RNF40: variants seen among roughly 807,000 people sequenced by gnomAD.
The protein encoded by RNF40 is ring finger protein 40, also known as E3 ubiquitin-protein ligase BRE1B.
In RNF40, 39 loss-of-function variants were observed where a neutral mutation model predicts 123.3. The ratio of observed to expected loss-of-function variants is 0.32; its 90% CI spans 0.24 to 0.41. RNF40 has a LOEUF of 0.41. Among genes scored for constraint, RNF40 ranks in the 10% least tolerant of loss-of-function variants. The pLI is 1.00. For synonymous variants in RNF40, 538 were observed against 526.0 expected (o/e 1.02, Z -0.31); for missense variants, 1,003 against 1,319.9 (o/e 0.76, Z 3.72).
intron 17 of RNF40, among the ~76,000 whole-genome samples, chr16:30,769,841 T>A (rs2054115207): frequency 6.6e-6 from 1 of 152,198 alleles, no homozygotes; most frequent in African/African-American, 2.4e-5. Flanking sequence ...CTCACGTCTG[T>A]GATCCCAACA....
At chr16:30,770,190 T>C (rs182339188) in intron 17 of RNF40, among the ~76,000 whole-genome samples, 3,243 of 141,120 alleles carry the variant, frequency 0.023, 53 homozygotes, top group Admixed American at 0.035. Flanking sequence ...CACTGCAACC[T>C]CCGCCTCCCA....
At position 30,768,873 on chromosome 16, in the gene RNF40, G is replaced by A. The variant is rs1187793517; in HGVS notation, c.2133G>A (p.Glu711=). 6 of 1,614,146 alleles carry A rather than the reference G, an allele frequency of 3.7e-6. No individual in the cohort carries two copies. Among genetic ancestry groups the A allele is most frequent in the Non-Finnish European group, 5.1e-6 (6 of 1,180,054 alleles). Residue 711 remains glutamate, a synonymous_variant, in exon 15 of 20, where the codon GAG becomes GAA. Transcript: ENST00000324685. The surrounding 1 kb of genome is among the most constrained non-coding windows in gnomAD (Gnocchi z 4.1). ...DELRSRIREL[E]ERDRRESKKI... ...TGCGGAGCCGCATCCGGGAATTGGA[G>A]GAGAGGGATCGAAGGGAGAGCAAGA...
Position 30,766,889 on chromosome 16 carries a change from G to A in RNF40, c.1429+13G>A, listed in dbSNP as rs1373286868. 1 of 1,611,798 alleles carries A rather than the reference G, an allele frequency of 6.2e-7. No homozygotes were observed. The highest frequency in any genetic ancestry group is 2.2e-5 in the East Asian group (1 of 44,872). On this transcript the variant is annotated intron_variant, in intron 11 of 19. Coordinates refer to ENST00000324685, the MANE Select transcript of RNF40 (RefSeq NM_014771.4). The surrounding 1 kb of genome is among the most constrained non-coding windows in gnomAD (Gnocchi z 5.4). ...AACGAGCAGGCGGGTATGTGGTGAG[G>A]ATAGGGCGGAGGTGGGGCCTTATCT...
rs902680063 is a variant in RNF40 at position 30,768,105 on chromosome 16, C to T, written c.1554C>T (p.Leu518=). 2 of 1,610,736 alleles carry T rather than the reference C, an allele frequency of 1.2e-6. No individual in the cohort carries two copies. The highest frequency in any genetic ancestry group is 2.2e-5 in the East Asian group (1 of 44,828). Residue 518 remains leucine (L), a splice_region_variant and synonymous_variant, in exon 13 of 20, where the codon CTC becomes CTT. Transcript: ENST00000324685. This position sits in a 1 kb window ranked among gnomAD's most constrained non-coding sequence, Gnocchi z 4.1. ...CCTCTTCCTCTCTGCCTTTGCAGCT[C>T]CGGGCCCAGGCCAGTGGCTCTGCCC... ...LREVQAEIGK[L]RAQASGSAHS...
In RNF40 at chr16:30,774,706, G is replaced by A. The variant is rs1180033884; in HGVS notation, c.*592G>A. On this transcript the variant is annotated 3_prime_UTR_variant, in exon 20 of 20. Coordinates refer to ENST00000324685, the MANE Select transcript of RNF40 (RefSeq NM_014771.4). ...CTCTTGGCAGATGGGGGCATCACTT[G>A]CTTCCTTTGGGAAGCTCTAAGGTTG... The A allele has an allele frequency of 3.1e-6, 1 of 324,856 alleles. No individual in the cohort carries two copies. Among genetic ancestry groups the A allele is most frequent in the African/African-American group, 2.2e-5 (1 of 45,968 alleles). 20.1% of individuals were successfully genotyped at this position (324,856 alleles called of 1,614,324 possible).
chr16:30,771,110 C>T (rs1166535815), intron 17 of RNF40, among the ~76,000 whole-genome samples: 1 of 152,214 alleles, frequency 6.6e-6, no homozygotes, highest in African/African-American at 2.4e-5. Context: ...CCAGTCAAAG[C>T]TGGAACTTCA....
Position 30,775,192 on chromosome 16 carries a change from C to T in RNF40, c.*1078C>T. The T allele has an allele frequency of 2.8e-6, 1 of 353,024 alleles. No homozygotes were observed. The highest frequency in any genetic ancestry group is 3.8e-5 in the Admixed American group (1 of 26,156). 21.9% of individuals were successfully genotyped at this position (353,024 alleles called of 1,614,324 possible). A position where few individuals can be genotyped will look rare whatever the true frequency, so the allele number is the denominator to read the frequency against. ...AAACGTTCAACCCTCGGCCTGCAGC[C>T]AGAGTAGCCAGGCCGCGCACCCCAA... On this transcript the variant is annotated 3_prime_UTR_variant, in exon 20 of 20. Transcript: ENST00000324685.
intron 8 of RNF40, 132 bp downstream of exon 8, chr16:30,765,631 T>C (rs2054014037): frequency 2.6e-6 from 2 of 766,322 alleles, no homozygotes; most frequent in Non-Finnish European, 4.2e-6. Flanking sequence ...CTTTTTTTCA[T>C]GCATTCATAT....
Position 30,767,933 on chromosome 16 carries a change from T to C in RNF40, c.1469T>C (p.Leu490Pro). Residue 490 changes from leucine (L) to proline (P), a missense_variant, in exon 12 of 20, where the codon CTT (leucine) becomes CCT (proline). Physicochemically the swap from Leu to Pro is moderately conservative, Grantham distance 98. This residue lies in a region of RNF40 where 30 missense variants were observed against 68.9 expected (regional missense o/e 0.44). Transcript: ENST00000324685. ...GAGATGCGCCACCTGATTAGTAGTC[T>C]TCAAAACCACAACCACCAGCTAAAA... is the stretch of plus-strand genomic sequence containing the variant. Reference protein sequence around the residue: ...NREMRHLISSLQNHNHQLKGD... With the variant: ...NREMRHLISSPQNHNHQLKGD... 6.2e-7 allele frequency: 1 copy of C among 1,614,080 alleles called. No individual in the cohort carries two copies. Among genetic ancestry groups the C allele is most frequent in the Non-Finnish European group, 8.5e-7 (1 of 1,180,020 alleles).
At chr16:30,762,806 A>G in intron 2 of RNF40, 129 bp downstream of exon 2, 1 of 1,225,702 alleles carries the variant, frequency 8.2e-7, no homozygotes. Context: ...ACCTTGAAAG[A>G]AAGGTTAGAA....
intron 19 of RNF40, chr16:30,773,584 A>G (rs749879409): frequency 1.5e-5 from 3 of 206,304 alleles, no homozygotes; most frequent in Non-Finnish European, 2.9e-5. Flanking sequence ...TAGCAAGTGC[A>G]GGTGAAGAGG....
At position 30,774,968 on chromosome 16, in the gene RNF40, A is replaced by T. The variant is rs913483815; in HGVS notation, c.*854A>T. ...CAGACCAGCCCCAGCCGCTGGGCCA[A>T]CTTCCAATCATTCCAGCTAGAAGAG... On this transcript the variant is annotated 3_prime_UTR_variant, in exon 20 of 20. Transcript: ENST00000324685. 2.2e-6 allele frequency: 1 copy of T among 456,366 alleles called. No individual in the cohort carries two copies. The highest frequency in any genetic ancestry group is 2.4e-5 in the Admixed American group (1 of 42,552). 28.3% of individuals were successfully genotyped at this position (456,366 alleles called of 1,614,324 possible).
intron 19 of RNF40, among the ~76,000 whole-genome samples, chr16:30,773,170 T>C (rs1236078863): frequency 1.3e-5 from 2 of 152,082 alleles, no homozygotes; most frequent in Non-Finnish European, 2.9e-5. Flanking sequence ...GCTTGGGGAA[T>C]GTCAGTAGAG....
Position 30,766,554 on chromosome 16 carries a change from T to G in RNF40, c.1289T>G (p.Met430Arg), listed in dbSNP as rs763563902. Reference protein sequence around the residue: ...KNSHLRHIEHMESDELGLQKK... With the variant: ...KNSHLRHIEHRESDELGLQKK... Reference sequence around the variant, plus strand: ...TCCCACCTGCGACACATCGAGCACATGGAGGTATGGCCCTGGAACAGGCGT... The same window carrying G: ...TCCCACCTGCGACACATCGAGCACAGGGAGGTATGGCCCTGGAACAGGCGT... Residue 430 changes from methionine (M) to arginine (R), a missense_variant, in exon 10 of 20, where the codon ATG becomes AGG. Met to Arg is a moderately conservative substitution (Grantham distance 91). This residue lies in a region of RNF40 where 274 missense variants were observed against 356.9 expected (regional missense o/e 0.77). Transcript: ENST00000324685. The surrounding 1 kb of genome is among the most constrained non-coding windows in gnomAD (Gnocchi z 5.4). 64 of 1,608,360 alleles carry G rather than the reference T, an allele frequency of 4.0e-5. 1 individual carries two copies. The South Asian group carries it at 6.9e-4, about 17-fold the overall frequency.
intron 2 of RNF40, 71 bp downstream of exon 2, chr16:30,762,748 G>A: frequency 5.1e-6 from 8 of 1,567,568 alleles, no homozygotes; most frequent in South Asian, 1.2e-5. Context: ...CAAACTGTGC[G>A]GAATCTTACA....
In RNF40 at chr16:30,775,389, C is replaced by T. The variant is rs376360885; in HGVS notation, c.*1275C>T. The T allele has an allele frequency of 4.5e-6, 1 of 221,870 alleles. No individual in the cohort carries two copies. Among genetic ancestry groups the T allele is most frequent in the Non-Finnish European group, 9.1e-6 (1 of 109,438 alleles). The allele number at this position is 221,870 out of a possible 1,614,324, so 13.7% of individuals were successfully genotyped here. A position where few individuals can be genotyped will look rare whatever the true frequency, so the allele number is the denominator to read the frequency against. On this transcript the variant is annotated 3_prime_UTR_variant, in exon 20 of 20. Coordinates refer to ENST00000324685, the MANE Select transcript of RNF40 (RefSeq NM_014771.4). Reference sequence around the variant, plus strand: ...CCTGCTCCCACCGACCCCGGTCTGACCACGTCCTTGGCTGTCATGGCCGGG... The same window carrying T: ...CCTGCTCCCACCGACCCCGGTCTGATCACGTCCTTGGCTGTCATGGCCGGG...
At chr16:30,764,073 GTTGA>G (rs1162680827) in intron 4 of RNF40, 102 bp from the exon 5 acceptor site, 1 of 835,982 alleles carries the variant, frequency 1.2e-6, no homozygotes, top group Non-Finnish European at 1.9e-6. Flanking sequence ...TATAGGTTGT[GTTGA>G]TTAAGTGAAC....
intron 17 of RNF40, among the ~76,000 whole-genome samples, chr16:30,770,320 C>G (rs998367433): frequency 4.0e-5 from 6 of 151,830 alleles, no homozygotes; most frequent in African/African-American, 7.3e-5. Context: ...CCATGTTGAC[C>G]AGGCTGGTAT....
At chr16:30,761,898 TG>T, upstream of RNF40, 1 of 759,210 alleles carries the variant, frequency 1.3e-6, no homozygotes, top group Non-Finnish European at 2.0e-6. Context: ...GGCGAATCCG[TG>T]GGGGCGTCTC....
Sources: gnomAD v4.1 joint callset for allele counts (sites outside exome capture counted in the v4.1 genomes callset) on GRCh38, gnomAD v4.1.1 for gene constraint, gnomAD v4.1.1 regional missense constraint, Gnocchi (gnomAD v3.1) non-coding constraint, MANE v1.5 for transcripts, NCBI Gene and HGNC (gene_info 2026-07-23, HGNC 2026-07-21) for gene names.